The following APBA1 variants were observed in gnomAD, a reference collection of about 807,000 sequenced individuals.
APBA1 encodes amyloid beta precursor protein binding family A member 1.
In APBA1, 55 loss-of-function variants were observed where a neutral mutation model predicts 86.6. That is an observed-to-expected ratio of 0.64 (90% confidence interval 0.51 to 0.80). The LOEUF is 0.80. APBA1 is among the 30% of genes least tolerant of loss of function. The pLI is 0.00. For synonymous variants in APBA1, 511 were observed against 493.9 expected (o/e 1.03, Z -0.46); for missense variants, 1,090 against 1,183.0 (o/e 0.92, Z 1.15).
chr9:69,653,377 C>G (rs1359342443), intron 1 of APBA1, among the ~76,000 whole-genome samples: 2 of 152,102 alleles, frequency 1.3e-5, no homozygotes, highest in East Asian at 3.9e-4. Flanking sequence ...GTTCAACACC[C>G]CCACTTTCAG....
At chr9:69,506,214 C>A (rs1835961299) in intron 2 of APBA1, among the ~76,000 whole-genome samples, 1 of 151,750 alleles carries the variant, frequency 6.6e-6, no homozygotes, top group Non-Finnish European at 1.5e-5. Flanking sequence ...GGTGCGCGCA[C>A]CGTGCGCGAG....
In APBA1 at chr9:69,516,711, C is replaced by T. The variant is rs1006508141; in HGVS notation, c.500G>A (p.Gly167Asp). Residue 167 changes from glycine (G) to aspartate (D), a missense_variant, in exon 2 of 13, where the codon GGC (glycine) becomes GAC (aspartate). By Grantham distance (94) the Gly-to-Asp change is moderately conservative (BLOSUM62 -1). Around this residue, in one of 6 missense-constraint regions of APBA1, gnomAD observed 678 missense variants for 647.1 expected, o/e 1.05. Coordinates refer to ENST00000265381, the MANE Select transcript of APBA1 (RefSeq NM_001163.4). This position sits in a 1 kb window ranked among gnomAD's most constrained non-coding sequence, Gnocchi z 7.3. ...GAAGAGCCGGTGCGTGTAGACGTAG[C>T]CTGAGTAGGCCGCATTCATGGCTTC... ...HEEAMNAAYS[G>D]YVYTHRLFHR... is the part of the protein sequence containing the mutation. 16 of 1,611,276 alleles carry T rather than the reference C, an allele frequency of 9.9e-6. No homozygotes were observed. The highest frequency in any genetic ancestry group is 1.4e-5 in the Non-Finnish European group (16 of 1,179,226).
intron 1 of APBA1, among the ~76,000 whole-genome samples, chr9:69,572,149 G>A (rs1837123878): frequency 6.6e-6 from 1 of 152,086 alleles, no homozygotes; most frequent in Non-Finnish European, 1.5e-5. Flanking sequence ...ATAGGTAAAC[G>A]TGTGCCATGG....
chr9:69,617,547 C>T (rs774914719), intron 1 of APBA1, among the ~76,000 whole-genome samples: 27 of 151,880 alleles, frequency 1.8e-4, no homozygotes, highest in Non-Finnish European at 3.2e-4. Context: ...ACCTTAAGAG[C>T]CAGAAATTCA....
chr9:69,500,030 G>A lies in APBA1; in HGVS notation c.1200+15981C>T, dbSNP rs115031697. ...AATGTTATCTGGAGGGGCGGTGCAT[G>A]TTGCCATTATCACTAATTAGCAGTT... On this transcript the variant is annotated intron_variant, in intron 2 of 12. Coordinates refer to ENST00000265381, the MANE Select transcript of APBA1 (RefSeq NM_001163.4). Among the ~76,000 whole-genome samples the A allele has an allele frequency of 8.0e-3, 1,217 of 152,216 alleles. 23 individuals carry two copies. The highest frequency in any genetic ancestry group is 0.028 in the African/African-American group (1,168 of 41,534).
rs533674971 is a variant in APBA1, at chr9:69,502,088, T to A, written c.1200+13923A>T. Reference sequence around the variant, plus strand: ...CCATCAAAAAGTTGAGAAAGATTCCTCTTGGGAGAGGGGTCAGGCAAAGTG... The same window carrying A: ...CCATCAAAAAGTTGAGAAAGATTCCACTTGGGAGAGGGGTCAGGCAAAGTG... On this transcript the variant is annotated intron_variant, in intron 2 of 12. Transcript: ENST00000265381. Among the ~76,000 whole-genome samples, 102 of 152,226 alleles carry A rather than the reference T, an allele frequency of 6.7e-4. 1 individual carries two copies. Among genetic ancestry groups the A allele is most frequent in the African/African-American group, 2.3e-3 (97 of 41,540 alleles).
At chr9:69,636,866 A>G (rs1823178600) in intron 1 of APBA1, among the ~76,000 whole-genome samples, 1 of 91,252 alleles carries the variant, frequency 1.1e-5, no homozygotes, top group Non-Finnish European at 2.5e-5. Context: ...GGAGGGAGGG[A>G]GAGAGAAAGA....
At chr9:69,636,922 G>GGAAGGAAGGAAGGAAGGAAAGAAA (rs1331913719) in intron 1 of APBA1, among the ~76,000 whole-genome samples, 35 of 63,858 alleles carry the variant, frequency 5.5e-4, no homozygotes, top group Middle Eastern at 7.9e-3. Context: ...AAGGAAGGAA[G>GGAAGGAAGGAAGGAAGGAAAGAAA]GAAAGAAAGA....
chr9:69,441,535 C>T (rs548149561), intron 10 of APBA1, among the ~76,000 whole-genome samples: 2 of 152,352 alleles, frequency 1.3e-5, no homozygotes, highest in African/African-American at 4.8e-5. Flanking sequence ...GAAAGGCAAA[C>T]TCTAGCAATG....
intron 1 of APBA1, among the ~76,000 whole-genome samples, chr9:69,533,452 T>G (rs1398811913): frequency 6.6e-6 from 1 of 152,124 alleles, no homozygotes; most frequent in Non-Finnish European, 1.5e-5. Context: ...CTGAGAAAAT[T>G]TACCTTCCTG....
intron 6 of APBA1, 77 bp from the exon 7 acceptor site, chr9:69,457,216 C>G: frequency 9.5e-7 from 1 of 1,055,654 alleles, no homozygotes; most frequent in Non-Finnish European, 1.5e-6. Context: ...AAGGTTAGCT[C>G]ACACAGAGGC....
At chr9:69,648,816 C>T (rs985582551) in intron 1 of APBA1, among the ~76,000 whole-genome samples, 7 of 152,152 alleles carry the variant, frequency 4.6e-5, no homozygotes, top group African/African-American at 1.7e-4. Flanking sequence ...TCCAGAACTC[C>T]CCTTTGAATT....
intron 10 of APBA1, among the ~76,000 whole-genome samples, chr9:69,448,520 T>C (rs1185906926): frequency 7.2e-5 from 11 of 152,224 alleles, no homozygotes; most frequent in Non-Finnish European, 1.6e-4. Flanking sequence ...AATTAGAATT[T>C]ACTCCATTTC....
At chr9:69,465,628 C>T (rs190191714) in intron 5 of APBA1, 7 of 152,174 alleles carry the variant, frequency 4.6e-5, no homozygotes, top group African/African-American at 1.4e-4. Flanking sequence ...TGGGCAGCTC[C>T]CCAAGAACAT....
intron 12 of APBA1, among the ~76,000 whole-genome samples, chr9:69,431,938 A>C (rs1834605285): frequency 1.4e-5 from 2 of 145,574 alleles, no homozygotes; most frequent in South Asian, 4.1e-4. Flanking sequence ...GACTGACAGC[A>C]GTGATAAATG....
intron 10 of APBA1, among the ~76,000 whole-genome samples, chr9:69,446,872 C>G (rs1412329384): frequency 6.6e-6 from 1 of 152,210 alleles, no homozygotes; most frequent in African/African-American, 2.4e-5. Flanking sequence ...GCGGCTTGTT[C>G]CTGCCCAGGC....
intron 1 of APBA1, among the ~76,000 whole-genome samples, chr9:69,661,209 T>C (rs68150206): frequency 0.12 from 18,376 of 152,148 alleles, 1,396 homozygotes; most frequent in African/African-American, 0.2. Flanking sequence ...AGAGACCATA[T>C]GGCCCACAAA....
intron 1 of APBA1, among the ~76,000 whole-genome samples, chr9:69,527,863 T>C (rs1462583633): frequency 6.6e-6 from 1 of 152,162 alleles, no homozygotes; most frequent in African/African-American, 2.4e-5. Flanking sequence ...AATCATTTTT[T>C]GTTATATCTG....
At chr9:69,641,964 G>C (rs1398128938) in intron 1 of APBA1, among the ~76,000 whole-genome samples, 3 of 152,140 alleles carry the variant, frequency 2.0e-5, no homozygotes, top group Non-Finnish European at 2.9e-5. Flanking sequence ...TCCTGCTTCA[G>C]CCTCCCAAGT....
Sources: gnomAD v4.1 joint callset for allele counts (sites outside exome capture counted in the v4.1 genomes callset) on GRCh38, gnomAD v4.1.1 for gene constraint, gnomAD v4.1.1 regional missense constraint, Gnocchi (gnomAD v3.1) non-coding constraint, MANE v1.5 for transcripts, NCBI Gene and HGNC (gene_info 2026-07-23, HGNC 2026-07-21) for gene names.